Variants in GPC5 observed in about 807,000 individuals in gnomAD.
The protein encoded by GPC5 is glypican 5, also known as glypican-5.
GPC5 carries 47 observed loss-of-function variants against 53.9 expected under a neutral mutation model. The ratio of observed to expected loss-of-function variants is 0.87; its 90% CI spans 0.69 to 1.11. The LOEUF is 1.11. GPC5 is among the 50% of genes most tolerant of loss of function. The pLI is 0.00. For synonymous variants in GPC5, 286 were observed against 263.3 expected (o/e 1.09, Z -0.84); for missense variants, 748 against 713.1 (o/e 1.05, Z -0.56).
chr13:92,179,068 T>C (rs983525785), intron 7 of GPC5, among the ~76,000 whole-genome samples: 1 of 152,202 alleles, frequency 6.6e-6, no homozygotes, highest in Non-Finnish European at 1.5e-5. Context: ...CTGAAATGTA[T>C]TGTCATCAAA....
At chr13:92,011,292 T>C (rs1448988403) in intron 6 of GPC5, among the ~76,000 whole-genome samples, 1 of 152,182 alleles carries the variant, frequency 6.6e-6, no homozygotes, top group Non-Finnish European at 1.5e-5. Context: ...TATATACTAG[T>C]GTGTGATCAT....
intron 7 of GPC5, among the ~76,000 whole-genome samples, chr13:92,648,687 A>C (rs1370545420): frequency 1.3e-5 from 2 of 152,160 alleles, no homozygotes; most frequent in African/African-American, 2.4e-5. Context: ...AATATATTTA[A>C]TAGAACAAAA....
At chr13:92,672,630 C>T (rs1441955366) in intron 7 of GPC5, among the ~76,000 whole-genome samples, 1 of 152,078 alleles carries the variant, frequency 6.6e-6, no homozygotes, top group African/African-American at 2.4e-5. Flanking sequence ...ATAGAACCAA[C>T]CAAAATGGAA....
At chr13:91,998,797 A>G (rs2040528012) in intron 6 of GPC5, among the ~76,000 whole-genome samples, 1 of 152,230 alleles carries the variant, frequency 6.6e-6, no homozygotes, top group Non-Finnish European at 1.5e-5. Flanking sequence ...GATTCACATT[A>G]TGTAATGAGG....
intron 5 of GPC5, among the ~76,000 whole-genome samples, chr13:91,882,669 G>GTTTTTT (rs1469974080): frequency 2.0e-4 from 4 of 19,712 alleles, no homozygotes; most frequent in Admixed American, 5.9e-4. Context: ...TTGTTTTTTG[G>GTTTTTT]GTTTTTTTTT....
At chr13:91,678,701 G>A (rs756903178) in intron 2 of GPC5, among the ~76,000 whole-genome samples, 1 of 151,576 alleles carries the variant, frequency 6.6e-6, no homozygotes, top group Non-Finnish European at 1.5e-5. Context: ...AGGAAATTAA[G>A]CTGTGATAGT....
rs1879336456 is a variant in GPC5, at chr13:92,866,358, A to C, written c.1638A>C (p.Thr546=). Reference sequence around the variant, plus strand: ...ACACTGGCAGTACTTTAGACACAACAGGAGCAGGATGTGCAGTGGCGACTG... The same window carrying C: ...ACACTGGCAGTACTTTAGACACAACCGGAGCAGGATGTGCAGTGGCGACTG... ...QTDTGSTLDT[T]GAGCAVATES... is the part of the protein sequence containing the mutation. The change falls in exon 8 of 8, where the codon ACA becomes ACC. Residue 546 remains threonine (T), a synonymous_variant. Transcript: ENST00000377067. 6.2e-7 allele frequency: 1 copy of C among 1,613,308 alleles called. No individual in the cohort carries two copies. The highest frequency in any genetic ancestry group is 8.5e-7 in the Non-Finnish European group (1 of 1,179,434).
At chr13:92,663,440 G>T (rs1474811123) in intron 7 of GPC5, among the ~76,000 whole-genome samples, 1 of 151,390 alleles carries the variant, frequency 6.6e-6, no homozygotes, top group African/African-American at 2.4e-5. Flanking sequence ...TAGTTTATCT[G>T]TCAAAGATGG....
At chr13:91,451,565 A>G (rs187037259) in intron 2 of GPC5, among the ~76,000 whole-genome samples, 2 of 151,852 alleles carry the variant, frequency 1.3e-5, no homozygotes, top group East Asian at 3.9e-4. Context: ...TCCACTGCCT[A>G]TGTATATTCC....
At chr13:92,851,895 A>T (rs1349909157) in intron 7 of GPC5, among the ~76,000 whole-genome samples, 4 of 151,292 alleles carry the variant, frequency 2.6e-5, no homozygotes, top group South Asian at 2.1e-4. Flanking sequence ...CTCAAAAAAA[A>T]AAAAAAAAAA....
intron 7 of GPC5, among the ~76,000 whole-genome samples, chr13:92,778,290 G>A (rs1001141920): frequency 1.3e-5 from 2 of 152,006 alleles, no homozygotes; most frequent in African/African-American, 4.8e-5. Flanking sequence ...ACTTCATAAC[G>A]TGGTTTATAA....
chr13:92,737,998 A>G (rs1308353868), intron 7 of GPC5, among the ~76,000 whole-genome samples: 3 of 151,798 alleles, frequency 2.0e-5, no homozygotes. Flanking sequence ...TCCTGACCTC[A>G]GGTGATCCAC....
chr13:92,674,626 A>T (rs1231410559), intron 7 of GPC5, among the ~76,000 whole-genome samples: 16 of 151,654 alleles, frequency 1.1e-4, no homozygotes, highest in Admixed American at 7.9e-4. Flanking sequence ...GTGGCATATC[A>T]TCATACCATT....
chr13:91,452,120 G>A (rs1348399100), intron 2 of GPC5, among the ~76,000 whole-genome samples: 1 of 152,010 alleles, frequency 6.6e-6, no homozygotes, highest in East Asian at 1.9e-4. Context: ...GAGTAGCTAG[G>A]ACTACAGGCT....
At chr13:92,793,394 A>T (rs992276857) in intron 7 of GPC5, among the ~76,000 whole-genome samples, 1 of 152,186 alleles carries the variant, frequency 6.6e-6, no homozygotes, top group African/African-American at 2.4e-5. Context: ...CAGTGTGTGC[A>T]GGGACATTTA....
chr13:92,352,554 G>A (rs1402239114), intron 7 of GPC5, among the ~76,000 whole-genome samples: 1 of 152,090 alleles, frequency 6.6e-6, no homozygotes, highest in East Asian at 1.9e-4. Context: ...AAAGACATAA[G>A]TAGATATTTT....
At chr13:91,999,220 G>A (rs891962759) in intron 6 of GPC5, among the ~76,000 whole-genome samples, 2 of 149,620 alleles carry the variant, frequency 1.3e-5, no homozygotes, top group African/African-American at 4.9e-5. Flanking sequence ...TTTTTTTTCT[G>A]TAATGCTATG....
At chr13:92,566,781 C>CA (rs1197767876) in intron 7 of GPC5, among the ~76,000 whole-genome samples, 1 of 151,982 alleles carries the variant, frequency 6.6e-6, no homozygotes, top group Non-Finnish European at 1.5e-5. Flanking sequence ...TTCCAATTCC[C>CA]AATCAGAGAG....
chr13:92,203,205 C>G lies in GPC5; in HGVS notation c.1561+58216C>G, dbSNP rs576379303. Among the ~76,000 whole-genome samples the G allele has an allele frequency of 7.9e-5, 12 of 151,782 alleles. No individual in the cohort carries two copies. The South Asian group carries it at 2.5e-3, about 32-fold the overall frequency. ...ATGCACACGTATGTTTATTGCGGCA[C>G]TATTCACAATAGCAAAGACTTGGAA... On this transcript the variant is annotated intron_variant, in intron 7 of 7. Transcript: ENST00000377067.
Sources: allele counts gnomAD v4.1 joint callset (sites outside exome capture counted in the v4.1 genomes callset), GRCh38; gene constraint gnomAD v4.1.1; transcripts MANE v1.5; gene names NCBI Gene and HGNC (gene_info 2026-07-23, HGNC 2026-07-21).